The following EPM2A variants were observed in gnomAD, a reference collection of about 807,000 sequenced individuals.
EPM2A encodes the protein laforin.
A neutral mutation model predicts 26.5 loss-of-function variants in EPM2A; 21 were observed. The observed-to-expected ratio is 0.79, with a 90% confidence interval of 0.56 to 1.14. EPM2A has a LOEUF of 1.14. EPM2A is among the 50% of genes most tolerant of loss of function. EPM2A has a pLI of 0.00. For missense variants in EPM2A, 458 were observed against 440.8 expected, an observed-to-expected ratio of 1.04 and a Z score of -0.35; for synonymous variants, 217 against 177.6, an observed-to-expected ratio of 1.22 and a Z score of -1.76.
At chr6:145,485,636 T>C (rs749664005) in intron 4 of EPM2A, among the ~76,000 whole-genome samples, 2 of 152,160 alleles carry the variant, frequency 1.3e-5, no homozygotes, top group Non-Finnish European at 2.9e-5. Context: ...CATGGAAGCC[T>C]GGGTTAACCT....
rs577421167 is a variant in EPM2A at position 145,531,123 on chromosome 6, T to C, written c.341-28548A>G. On this transcript the variant is annotated intron_variant, in intron 2 of 3. Coordinates refer to the EPM2A transcript ENST00000450221. Reference sequence around the variant, plus strand: ...TTATAGGATATAAACACAAATCTTCTTGGAAGGCTGGAAGGTTTTTGCAGA... The same window carrying C: ...TTATAGGATATAAACACAAATCTTCCTGGAAGGCTGGAAGGTTTTTGCAGA... 2.6e-5 allele frequency among the ~76,000 whole-genome samples: 4 copies of C among 152,256 alleles called. No individual in the cohort carries two copies. In the South Asian group the frequency reaches 8.3e-4, roughly 32 times the overall value.
At chr6:145,732,154 T>C (rs1213879765) in intron 1 of EPM2A, among the ~76,000 whole-genome samples, 1 of 151,662 alleles carries the variant, frequency 6.6e-6, no homozygotes, top group African/African-American at 2.4e-5. Flanking sequence ...GCAACTAACA[T>C]AGGAGTTCGA....
At chr6:145,646,398 G>A (rs558687218) in intron 2 of EPM2A, among the ~76,000 whole-genome samples, 47 of 151,558 alleles carry the variant, frequency 3.1e-4, no homozygotes, top group African/African-American at 9.2e-4. Context: ...GGCTGGTCTC[G>A]AATTCCTGAC....
intron 2 of EPM2A, among the ~76,000 whole-genome samples, chr6:145,678,265 A>T (rs1177241797): frequency 6.6e-6 from 1 of 150,988 alleles, no homozygotes; most frequent in Non-Finnish European, 1.5e-5. Context: ...TTACACATTG[A>T]CTTAAATGTT....
intron 1 of EPM2A, among the ~76,000 whole-genome samples, chr6:145,729,297 C>T (rs991806144): frequency 3.9e-5 from 6 of 152,178 alleles, no homozygotes; most frequent in African/African-American, 1.4e-4. Context: ...AAAAGAAGGC[C>T]ACTGTCCTCT....
chr6:145,580,879 A>C (rs111234538), intron 2 of EPM2A, among the ~76,000 whole-genome samples: 3 of 152,186 alleles, frequency 2.0e-5, no homozygotes, highest in Non-Finnish European at 4.4e-5. Context: ...ATAATAGTCC[A>C]TCATGTATCT....
chr6:145,399,956 T>C (rs1276732942), intron 4 of EPM2A, among the ~76,000 whole-genome samples: 1 of 152,208 alleles, frequency 6.6e-6, no homozygotes, highest in Non-Finnish European at 1.5e-5. Flanking sequence ...ATGTTTATGT[T>C]CTGTATAACT....
intron 2 of EPM2A, among the ~76,000 whole-genome samples, chr6:145,594,701 A>T (rs1781317654): frequency 6.6e-6 from 1 of 151,928 alleles, no homozygotes; most frequent in Non-Finnish European, 1.5e-5. Context: ...ATTGCCAGAT[A>T]AAAAGGTATG....
chr6:145,427,918 ACAT>A (rs1181970492), intron 4 of EPM2A, among the ~76,000 whole-genome samples: 1 of 152,186 alleles, frequency 6.6e-6, no homozygotes, highest in East Asian at 1.9e-4. Context: ...GCCAGGAAGT[ACAT>A]CAGTATTTAG....
At chr6:145,474,059 C>T (rs1414939104) in intron 4 of EPM2A, among the ~76,000 whole-genome samples, 2 of 152,034 alleles carry the variant, frequency 1.3e-5, no homozygotes, top group East Asian at 1.9e-4. Context: ...TACTCTTATC[C>T]GAAGTAGAAA....
chr6:145,506,479 G>T (rs2114757641), intron 2 of EPM2A, among the ~76,000 whole-genome samples: 1 of 151,966 alleles, frequency 6.6e-6, no homozygotes. Context: ...AAAAGCACAG[G>T]AAAGGCAAGG....
chr6:145,463,957 C>T (rs936030922), intron 4 of EPM2A, among the ~76,000 whole-genome samples: 1 of 152,106 alleles, frequency 6.6e-6, no homozygotes, highest in Admixed American at 6.6e-5. Context: ...GTGATTGGAT[C>T]ATGGGGGCTG....
chr6:145,627,900 C>A, intron 3 of EPM2A: 1 of 667,254 alleles, frequency 1.5e-6, no homozygotes, highest in Non-Finnish European at 2.5e-6. Flanking sequence ...TTCCAGAGGC[C>A]AGAGGCTCTC....
chr6:145,500,275 A>C (rs1005216124), downstream of EPM2A, among the ~76,000 whole-genome samples: 6 of 151,222 alleles, frequency 4.0e-5, no homozygotes, highest in Non-Finnish European at 8.8e-5. Context: ...GGAGTGACAG[A>C]GTCTTGATTC....
chr6:145,416,573 G>T (rs2114679594), intron 4 of EPM2A, among the ~76,000 whole-genome samples: 1 of 152,262 alleles, frequency 6.6e-6, no homozygotes, highest in Non-Finnish European at 1.5e-5. Flanking sequence ...GAGGAATAAG[G>T]ATAACGTAGG....
chr6:145,518,717 C>T (rs1405607323), intron 2 of EPM2A, among the ~76,000 whole-genome samples: 1 of 151,098 alleles, frequency 6.6e-6, no homozygotes, highest in African/African-American at 2.4e-5. Flanking sequence ...AAGAATGTCA[C>T]ATATTTAATC....
chr6:145,701,878 G>A (rs970968372), intron 1 of EPM2A, among the ~76,000 whole-genome samples: 3 of 152,084 alleles, frequency 2.0e-5, no homozygotes, highest in African/African-American at 4.8e-5. Flanking sequence ...GCATTTTAAT[G>A]TACTCTTAAA....
intron 2 of EPM2A, among the ~76,000 whole-genome samples, chr6:145,682,963 A>T (rs1227568894): frequency 6.6e-6 from 1 of 152,208 alleles, no homozygotes; most frequent in African/African-American, 2.4e-5. Flanking sequence ...AGCAGCTAAG[A>T]TAAATTCACA....
intron 2 of EPM2A, among the ~76,000 whole-genome samples, chr6:145,543,578 G>A (rs551107362): frequency 1.3e-5 from 2 of 151,892 alleles, no homozygotes; most frequent in African/African-American, 2.4e-5. Flanking sequence ...ATCAAAACAG[G>A]GTCTTTAATA....
Sources: gnomAD v4.1 joint callset for allele counts (sites outside exome capture counted in the v4.1 genomes callset) on GRCh38, gnomAD v4.1.1 for gene constraint, MANE v1.5 for transcripts, NCBI Gene and HGNC (gene_info 2026-07-23, HGNC 2026-07-21) for gene names.